The following PARD3B variants were observed in gnomAD, a reference collection of about 807,000 sequenced individuals.
PARD3B encodes the protein par-3 family cell polarity regulator beta.
In PARD3B, 103 loss-of-function variants were observed where a neutral mutation model predicts 130.2. That is an observed-to-expected ratio of 0.79 (90% CI 0.67 to 0.93). PARD3B has a LOEUF of 0.93. Among genes scored for constraint, PARD3B ranks in the 40% least tolerant of loss-of-function variants. The pLI is 0.00. For missense variants in PARD3B, 1,609 were observed against 1,499.2 expected, an observed-to-expected ratio of 1.07 and a Z score of -1.21; for synonymous variants, 583 against 553.2, an observed-to-expected ratio of 1.05 and a Z score of -0.76.
rs908640655 is a variant in PARD3B at position 204,805,733 on chromosome 2, A to G, written c.222+119451A>G. Reference sequence around the variant, plus strand: ...TTATGACCAAGTGGGATTTATACCAATGATGCAAGGCAAGGGTGGTTCACC... The same window carrying G: ...TTATGACCAAGTGGGATTTATACCAGTGATGCAAGGCAAGGGTGGTTCACC... On this transcript the variant is annotated intron_variant, in intron 2 of 22. Transcript: ENST00000406610. 5.9e-5 allele frequency among the ~76,000 whole-genome samples: 9 copies of G among 152,142 alleles called. No individual in the cohort carries two copies. The East Asian group carries it at 1.2e-3, about 20-fold the overall frequency.
intron 2 of PARD3B, among the ~76,000 whole-genome samples, chr2:204,935,425 G>C (rs759904712): frequency 3.3e-5 from 5 of 150,896 alleles, no homozygotes; most frequent in Non-Finnish European, 7.4e-5. Flanking sequence ...TGTAGTCCCA[G>C]CTACTCGGGA....
intron 2 of PARD3B, among the ~76,000 whole-genome samples, chr2:204,935,318 A>C (rs1242345242): frequency 2.0e-5 from 3 of 150,730 alleles, no homozygotes; most frequent in Non-Finnish European, 4.4e-5. Context: ...TCACAAGGTC[A>C]GGAGATCAAG....
intron 22 of PARD3B, among the ~76,000 whole-genome samples, chr2:205,602,663 GT>G (rs1232849607): frequency 6.6e-6 from 1 of 152,180 alleles, no homozygotes; most frequent in African/African-American, 2.4e-5. Flanking sequence ...GCATAGAGCT[GT>G]TTATAGCATT....
chr2:205,544,324 A>C (rs1475788160), intron 21 of PARD3B, among the ~76,000 whole-genome samples: 1 of 151,732 alleles, frequency 6.6e-6, no homozygotes, highest in Non-Finnish European at 1.5e-5. Context: ...GTGTTACAAT[A>C]TCTCTATTTG....
chr2:204,842,992 A>T lies in PARD3B; in HGVS notation c.223-122160A>T, dbSNP rs553691365. Among the ~76,000 whole-genome samples the T allele has an allele frequency of 2.0e-4, 31 of 152,270 alleles. 1 individual carries two copies. The highest frequency in any genetic ancestry group is 7.5e-4 in the African/African-American group (31 of 41,524). ...TCTGCAGTTCTCAAACTCCAGGGTT[A>T]ATCAGAATCTCCTGGAGGGCTTATT... On this transcript the variant is annotated intron_variant, in intron 2 of 22. Transcript: ENST00000406610.
chr2:204,851,647 A>C (rs1480580647), intron 2 of PARD3B, among the ~76,000 whole-genome samples: 1 of 152,226 alleles, frequency 6.6e-6, no homozygotes, highest in African/African-American at 2.4e-5. Context: ...GTCATTATTA[A>C]TAAATGGGCA....
chr2:205,026,051 C>T (rs906238001), intron 3 of PARD3B, among the ~76,000 whole-genome samples: 1 of 152,178 alleles, frequency 6.6e-6, no homozygotes, highest in African/African-American at 2.4e-5. Context: ...GATCTCTGTT[C>T]TCATGAAACT....
intron 16 of PARD3B, among the ~76,000 whole-genome samples, chr2:205,295,376 A>T (rs2041751995): frequency 1.3e-5 from 2 of 152,178 alleles, no homozygotes; most frequent in South Asian, 4.1e-4. Flanking sequence ...TGACCCCTGG[A>T]TGGCATTATA....
At chr2:205,471,645 G>A (rs1490887336) in intron 20 of PARD3B, among the ~76,000 whole-genome samples, 2 of 152,028 alleles carry the variant, frequency 1.3e-5, no homozygotes, top group African/African-American at 4.8e-5. Context: ...TTAGAAGCAT[G>A]AGCCACCACG....
intron 2 of PARD3B, among the ~76,000 whole-genome samples, chr2:204,777,769 T>C (rs958537891): frequency 2.6e-5 from 4 of 152,138 alleles, no homozygotes; most frequent in Non-Finnish European, 4.4e-5. Flanking sequence ...CACTGTGATA[T>C]GCTTTGGCTC....
At chr2:205,354,716 A>C (rs1354414378) in intron 18 of PARD3B, among the ~76,000 whole-genome samples, 1 of 152,226 alleles carries the variant, frequency 6.6e-6, no homozygotes, top group African/African-American at 2.4e-5. Context: ...CCCAGAGATT[A>C]CAAACAGTGA....
chr2:204,695,552 G>A (rs114159992), intron 2 of PARD3B, among the ~76,000 whole-genome samples: 1 of 152,066 alleles, frequency 6.6e-6, no homozygotes, highest in Non-Finnish European at 1.5e-5. Flanking sequence ...ATTTTAAGCT[G>A]TCTCAACCTC....
At chr2:204,691,183 A>T (rs2037337381) in intron 2 of PARD3B, among the ~76,000 whole-genome samples, 1 of 152,046 alleles carries the variant, frequency 6.6e-6, no homozygotes, top group African/African-American at 2.4e-5. Flanking sequence ...TTTTAAAATG[A>T]TTATTTTCTT....
chr2:205,531,394 AC>A, intron 21 of PARD3B, among the ~76,000 whole-genome samples: 1 of 152,196 alleles, frequency 6.6e-6, no homozygotes, highest in Non-Finnish European at 1.5e-5. Flanking sequence ...TGAGGTCTAA[AC>A]AGTCTAAAGA....
intron 1 of PARD3B, among the ~76,000 whole-genome samples, chr2:204,568,157 G>A (rs1041009122): frequency 2.9e-4 from 44 of 152,134 alleles, no homozygotes; most frequent in African/African-American, 1.0e-3. Flanking sequence ...GATACCTAGG[G>A]GTTTGTAGAC....
At chr2:205,399,457 T>C (rs1469087208) in intron 18 of PARD3B, among the ~76,000 whole-genome samples, 5 of 151,726 alleles carry the variant, frequency 3.3e-5, no homozygotes, top group South Asian at 4.2e-4. Flanking sequence ...TGTGTTCAAG[T>C]GATTCTCCTG....
rs1313341092 is a variant in PARD3B at position 205,396,878 on chromosome 2, A to G, written c.2631-4135A>G. On this transcript the variant is annotated intron_variant, in intron 18 of 22. Coordinates refer to ENST00000406610, the MANE Select transcript of PARD3B (RefSeq NM_001302769.2). The stretch of plus-strand genomic sequence containing the variant: ...GTGACTTTTCTCACAAAAATAGCTA[A>G]TGGGAAGATAAACCTCCTCAATTCC... Among the ~76,000 whole-genome samples the G allele has an allele frequency of 3.3e-5, 5 of 152,214 alleles. No homozygotes were observed. In the East Asian group the frequency reaches 9.6e-4, roughly 29 times the overall value.
chr2:204,975,388 C>T (rs1388672218), intron 3 of PARD3B, among the ~76,000 whole-genome samples: 4 of 152,196 alleles, frequency 2.6e-5, no homozygotes, highest in Non-Finnish European at 4.4e-5. Context: ...TCCCCGGACA[C>T]GATCTGCAAG....
At chr2:204,966,763 T>C (rs1438226961) in intron 3 of PARD3B, among the ~76,000 whole-genome samples, 1 of 152,184 alleles carries the variant, frequency 6.6e-6, no homozygotes. Context: ...AGATTCCCCT[T>C]CTTTGAAAGT....
Sources: allele counts gnomAD v4.1 joint callset (sites outside exome capture counted in the v4.1 genomes callset), GRCh38; gene constraint gnomAD v4.1.1; transcripts MANE v1.5; gene names NCBI Gene and HGNC (gene_info 2026-07-23, HGNC 2026-07-21).